Variants in ABCG2 observed in about 807,000 individuals in gnomAD.
The protein encoded by ABCG2 is broad substrate specificity ATP-binding cassette transporter ABCG2.
A neutral mutation model predicts 73.5 loss-of-function variants in ABCG2; 80 were observed. The ratio of observed to expected loss-of-function variants is 1.09; its 90% confidence interval spans 0.91 to 1.31. The LOEUF (loss-of-function observed/expected upper bound fraction) is 1.31. ABCG2 is among the 50% of genes most tolerant of loss of function. The pLI is 0.00. For synonymous variants in ABCG2, 269 were observed against 282.4 expected (o/e 0.95, Z 0.48); for missense variants, 796 against 786.2 (o/e 1.01, Z -0.15).
intron 10 of ABCG2, among the ~76,000 whole-genome samples, chr4:88,102,961 G>A (rs1722537934): frequency 6.6e-6 from 1 of 152,136 alleles, no homozygotes; most frequent in Non-Finnish European, 1.5e-5. Context: ...CCAGGCTAGA[G>A]TATAGTGGCA....
chr4:88,173,340 A>G (rs1422307849), intron 1 of ABCG2, among the ~76,000 whole-genome samples: 1 of 152,214 alleles, frequency 6.6e-6, no homozygotes, highest in Non-Finnish European at 1.5e-5. Context: ...TGATTTACTT[A>G]GGAAATGGAA....
chr4:88,177,762 T>C (rs1728069273), intron 1 of ABCG2, among the ~76,000 whole-genome samples: 1 of 152,010 alleles, frequency 6.6e-6, no homozygotes, highest in Non-Finnish European at 1.5e-5. Flanking sequence ...AATCTGTGTG[T>C]TGGGGGAGGG....
chr4:88,184,379 A>G (rs1291896029), intron 1 of ABCG2, among the ~76,000 whole-genome samples: 1 of 152,208 alleles, frequency 6.6e-6, no homozygotes, highest in Non-Finnish European at 1.5e-5. Flanking sequence ...AAATCAACAT[A>G]CAAAAAATCA....
chr4:88,093,948 T>A (rs1721815949), intron 15 of ABCG2, among the ~76,000 whole-genome samples: 1 of 152,224 alleles, frequency 6.6e-6, no homozygotes, highest in Non-Finnish European at 1.5e-5. Flanking sequence ...CTTATTCAAG[T>A]GTTTCTTGTT....
At chr4:88,209,136 C>A (rs1036054075) in intron 1 of ABCG2, among the ~76,000 whole-genome samples, 3 of 151,762 alleles carry the variant, frequency 2.0e-5, no homozygotes, top group Non-Finnish European at 4.4e-5. Context: ...ATGGCGAAAC[C>A]CTGTCTCTAC....
chr4:88,092,426 G>A (rs767010816), intron 15 of ABCG2, 45 bp from the exon 16 acceptor site: 19 of 1,583,888 alleles, frequency 1.2e-5, no homozygotes, highest in Non-Finnish European at 1.5e-5. Context: ...CCTAGCATCC[G>A]TCAAATGTTA....
At chr4:88,179,136 T>C (rs542702657) in intron 1 of ABCG2, among the ~76,000 whole-genome samples, 4 of 152,252 alleles carry the variant, frequency 2.6e-5, no homozygotes, top group African/African-American at 9.6e-5. Context: ...GCAGTCCCTG[T>C]GTTGGTGGCC....
rs182069549 is a variant in ABCG2 at position 88,200,777 on chromosome 4, G to A, written c.-20+30217C>T. ...TCCACCTGCCTCAGCCTCCCAAAGT[G>A]CTAGGATTACAGGTGTGAGCCACCG... On this transcript the variant is annotated intron_variant, in intron 1 of 15. Transcript: ENST00000515655. 2.0e-4 allele frequency among the ~76,000 whole-genome samples: 31 copies of A among 152,250 alleles called. No homozygotes were observed. The East Asian group carries it at 5.8e-3, about 28-fold the overall frequency.
intron 5 of ABCG2, among the ~76,000 whole-genome samples, chr4:88,123,441 A>T (rs1358795629): frequency 1.3e-5 from 2 of 152,180 alleles, no homozygotes; most frequent in African/African-American, 2.4e-5. Context: ...ATTGCTAATT[A>T]GAATAACCAG....
chr4:88,158,196 A>G (rs1190924061), intron 1 of ABCG2, among the ~76,000 whole-genome samples, 190 bp downstream of exon 1: 1 of 152,132 alleles, frequency 6.6e-6, no homozygotes, highest in African/African-American at 2.4e-5. Context: ...CCAGGGCATC[A>G]TTTTCTGAAA....
chr4:88,176,558 AC>A, intron 1 of ABCG2, among the ~76,000 whole-genome samples: 1 of 144,590 alleles, frequency 6.9e-6, no homozygotes, highest in East Asian at 2.0e-4. Context: ...ACAGCACACT[AC>A]AGCCCCAACC....
intron 13 of ABCG2, among the ~76,000 whole-genome samples, chr4:88,096,444 A>C (rs1245193765): frequency 6.6e-6 from 1 of 152,234 alleles, no homozygotes; most frequent in Non-Finnish European, 1.5e-5. Context: ...ATCTTTAAAT[A>C]ATAATAAATC....
At position 88,107,252 on chromosome 4, in the gene ABCG2, G is replaced by A. The variant is rs372665007; in HGVS notation, c.1209C>T (p.Val403=). ...TGGCACCTATAACCAGTCCCAGTAC[G>A]ACTGTGACAATGATCTTTTCAAAAA... ...QASIAQIIVT[V]VLGLVIGAIY... is the part of the protein sequence containing the mutation. Residue 403 remains valine, a synonymous_variant, in exon 10 of 16, where the codon GTC becomes GTT. Transcript: ENST00000237612. 1.5e-5 allele frequency: 24 copies of A among 1,601,998 alleles called. No individual in the cohort carries two copies. The African/African-American group carries it at 2.4e-4, about 16-fold the overall frequency.
intron 7 of ABCG2, 112 bp downstream of exon 7, chr4:88,117,997 A>G (rs1190600177): frequency 8.6e-6 from 9 of 1,042,388 alleles, no homozygotes; most frequent in African/African-American, 1.6e-5. Context: ...GAAGTGATAG[A>G]TTCTCATGGT....
intron 13 of ABCG2, 149 bp downstream of exon 13, chr4:88,097,304 A>G: frequency 1.2e-6 from 1 of 843,644 alleles, no homozygotes; most frequent in South Asian, 2.0e-5. Flanking sequence ...TATATTCTCT[A>G]ACATAATCTA....
chr4:88,120,613 C>A (rs1282975105), intron 6 of ABCG2, among the ~76,000 whole-genome samples: 1 of 152,126 alleles, frequency 6.6e-6, no homozygotes, highest in Non-Finnish European at 1.5e-5. Flanking sequence ...TTGCGTGGGA[C>A]CTGTAGCCCC....
rs1016194092 is a variant in ABCG2 at position 88,090,806 on chromosome 4, G to A, written c.*1428C>T. The stretch of plus-strand genomic sequence containing the variant: ...AAGTGGTGAAATCTGAATATTGTGT[G>A]CAGTTTAATTAACAGTGATTGTACC... On this transcript the variant is annotated 3_prime_UTR_variant, in exon 16 of 16. Transcript: ENST00000237612. 1 of 152,232 alleles carries A rather than the reference G, an allele frequency of 6.6e-6. No individual in the cohort carries two copies. The highest frequency in any genetic ancestry group is 1.5e-5 in the Non-Finnish European group (1 of 68,038). 9.4% of individuals were successfully genotyped at this position (152,232 alleles called of 1,614,324 possible).
intron 1 of ABCG2, among the ~76,000 whole-genome samples, chr4:88,178,669 C>G (rs532757105): frequency 6.6e-6 from 1 of 152,272 alleles, no homozygotes; most frequent in East Asian, 1.9e-4. Flanking sequence ...GGGACCTGCC[C>G]TAAGCCAGAG....
intron 1 of ABCG2, among the ~76,000 whole-genome samples, chr4:88,151,130 T>C (rs1578233256): frequency 6.6e-6 from 1 of 152,174 alleles, no homozygotes; most frequent in Admixed American, 6.5e-5. Flanking sequence ...CTAGAAGACA[T>C]AGGGAGGACA....
Sources: gnomAD v4.1 joint callset for allele counts (sites outside exome capture counted in the v4.1 genomes callset) on GRCh38, gnomAD v4.1.1 for gene constraint, MANE v1.5 for transcripts, NCBI Gene and HGNC (gene_info 2026-07-23, HGNC 2026-07-21) for gene names.